PAPPA: variants seen among roughly 807,000 people sequenced by gnomAD.
PAPPA encodes the protein pappalysin 1, also known as pappalysin-1.
Under a neutral mutation model 164.0 loss-of-function variants are expected in PAPPA, and 60 were observed. The ratio of observed to expected loss-of-function variants is 0.37; its 90% CI spans 0.30 to 0.45. The LOEUF (loss-of-function observed/expected upper bound fraction) is 0.45, where lower values mean the gene tolerates loss of function less well. Among genes scored for constraint, PAPPA ranks in the 20% least tolerant of loss-of-function variants. PAPPA has a pLI of 1.00. For synonymous variants in PAPPA, 875 were observed against 814.1 expected, an observed-to-expected ratio of 1.07 and a Z score of -1.27; for missense variants, 1,782 against 2,087.3, an observed-to-expected ratio of 0.85 and a Z score of 2.85.
chr9:116,308,471 G>A (rs890462164), intron 10 of PAPPA, among the ~76,000 whole-genome samples: 13 of 152,208 alleles, frequency 8.5e-5, no homozygotes, highest in Admixed American at 1.3e-4. Flanking sequence ...AGGAATCACT[G>A]TTTTCATTTT....
intron 7 of PAPPA, among the ~76,000 whole-genome samples, chr9:116,241,209 G>A (rs79079804): frequency 6.6e-6 from 1 of 152,164 alleles, no homozygotes; most frequent in Non-Finnish European, 1.5e-5. Context: ...GCAAGTATTT[G>A]TTGACTTCCA....
rs374642967 is a variant in PAPPA at position 116,299,087 on chromosome 9, C to G, written c.2954-3670C>G. On this transcript the variant is annotated intron_variant, in intron 9 of 21. Coordinates refer to ENST00000328252, the MANE Select transcript of PAPPA (RefSeq NM_002581.5). Reference sequence around the variant, plus strand: ...AGAGGGAGAGAGAATTCCCCAGACACGGGCTGGCAGATGTAGCTGAAGGGC... The same window carrying G: ...AGAGGGAGAGAGAATTCCCCAGACAGGGGCTGGCAGATGTAGCTGAAGGGC... 3.9e-5 allele frequency among the ~76,000 whole-genome samples: 6 copies of G among 152,114 alleles called. No homozygotes were observed. The East Asian group carries it at 5.8e-4, about 15-fold the overall frequency.
At chr9:116,189,714 T>C (rs535863630) in intron 2 of PAPPA, among the ~76,000 whole-genome samples, 83 of 152,322 alleles carry the variant, frequency 5.4e-4, no homozygotes, top group African/African-American at 1.9e-3. Context: ...CACTGAACTT[T>C]TCTATTCTGT....
At chr9:116,389,457 CAA>C (rs1846861787) in intron 21 of PAPPA, among the ~76,000 whole-genome samples, 2 of 152,218 alleles carry the variant, frequency 1.3e-5, no homozygotes, top group Admixed American at 6.5e-5. Flanking sequence ...AATGAAAAAC[CAA>C]AGTTTTCCCA....
In PAPPA at chr9:116,334,948, T is replaced by A; in HGVS notation, c.3485T>A (p.Val1162Glu). 1 of 1,613,368 alleles carries A rather than the reference T, an allele frequency of 6.2e-7. No homozygotes were observed. Among genetic ancestry groups the A allele is most frequent in the Non-Finnish European group, 8.5e-7 (1 of 1,179,902 alleles). The change falls in exon 13 of 22, where the codon GTA becomes GAA. Residue 1162 changes from valine to glutamate, a missense_variant. Coordinates refer to ENST00000328252, the MANE Select transcript of PAPPA (RefSeq NM_002581.5). ...CAGCCCTTCTACCACAGCCAGGCGG[T>A]ACGTGTGAGCTTCAGTTCGCCCCTG... Reference protein sequence around the residue: ...LSQPFYHSQAVRVSFSSPLVA... With the variant: ...LSQPFYHSQAERVSFSSPLVA...
Position 116,334,850 on chromosome 9 carries a change from T to C in PAPPA, c.3398-11T>C. The C allele has an allele frequency of 6.2e-7, 1 of 1,609,914 alleles. No homozygotes were observed. Among genetic ancestry groups the C allele is most frequent in the Non-Finnish European group, 8.5e-7 (1 of 1,176,278 alleles). On this transcript the variant is annotated splice_polypyrimidine_tract_variant and intron_variant, in intron 12 of 21. Transcript: ENST00000328252. ...AGCCTGGCCCCTCGGCCCCTCTGTC[T>C]CCCCTGACAGGCCTCCATGTCCTGA... is the stretch of plus-strand genomic sequence containing the variant.
At chr9:116,296,316 T>C (rs1845505653) in intron 9 of PAPPA, among the ~76,000 whole-genome samples, 1 of 152,232 alleles carries the variant, frequency 6.6e-6, no homozygotes, top group Non-Finnish European at 1.5e-5. Context: ...AAGCACCTAG[T>C]TAGTTTAGTC....
rs552545702 is a variant in PAPPA, at chr9:116,153,840, C to CT, written c.-325dup. ...TTCAGCGGATCAGTCTTAAGAGGAG[C>CT]TTTTTTTTGGAGCGAGAAATCATAT... On this transcript the variant is annotated 5_prime_UTR_variant, in exon 1 of 22. Coordinates refer to ENST00000328252, the MANE Select transcript of PAPPA (RefSeq NM_002581.5). 3.6e-4 allele frequency: 56 copies of CT among 157,076 alleles called. No homozygotes were observed. The highest frequency in any genetic ancestry group is 5.3e-4 in the African/African-American group (22 of 41,210). The allele number at this position is 157,076 out of a possible 1,614,324, so 9.7% of individuals were successfully genotyped here.
chr9:116,262,427 C>T (rs1276180729), intron 7 of PAPPA, among the ~76,000 whole-genome samples: 1 of 152,188 alleles, frequency 6.6e-6, no homozygotes, highest in Non-Finnish European at 1.5e-5. Context: ...CTCAGGTGAT[C>T]TGCTAAAATT....
At chr9:116,296,569 AACTGTGATAAC>A (rs979557498) in intron 9 of PAPPA, among the ~76,000 whole-genome samples, 2 of 152,188 alleles carry the variant, frequency 1.3e-5, no homozygotes, top group African/African-American at 4.8e-5. Flanking sequence ...GAAATCTAGG[AACTGTGATAAC>A]ACAGGAATGA....
chr9:116,348,175 C>T (rs1216240183), intron 15 of PAPPA, among the ~76,000 whole-genome samples: 2 of 151,800 alleles, frequency 1.3e-5, no homozygotes, highest in African/African-American at 4.8e-5. Flanking sequence ...GGAAATATCT[C>T]TCTATTTCCA....
intron 17 of PAPPA, among the ~76,000 whole-genome samples, chr9:116,356,218 A>T: frequency 6.6e-6 from 1 of 152,232 alleles, no homozygotes; most frequent in East Asian, 1.9e-4. Flanking sequence ...CAGCTTTATT[A>T]CCTAGTCACT....
intron 18 of PAPPA, among the ~76,000 whole-genome samples, chr9:116,364,753 G>A (rs1181742540): frequency 1.3e-5 from 2 of 152,118 alleles, no homozygotes; most frequent in South Asian, 2.1e-4. Context: ...CAGAACAGTG[G>A]AGAAAGAGGG....
At chr9:116,161,066 A>G (rs1843659880) in intron 1 of PAPPA, among the ~76,000 whole-genome samples, 1 of 152,194 alleles carries the variant, frequency 6.6e-6, no homozygotes, top group Non-Finnish European at 1.5e-5. Flanking sequence ...AGGTCAGACC[A>G]CAGTGCACGG....
In PAPPA at chr9:116,219,949, C is replaced by A. The variant is rs554473080; in HGVS notation, c.1931C>A (p.Thr644Lys). 1 of 1,612,276 alleles carries A rather than the reference C, an allele frequency of 6.2e-7. No homozygotes were observed. Among genetic ancestry groups the A allele is most frequent in the Non-Finnish European group, 8.5e-7 (1 of 1,179,094 alleles). The change falls in exon 5 of 22, where the codon ACG becomes AAG. Residue 644 changes from threonine (T) to lysine (K), a missense_variant. Thr to Lys is a moderately conservative substitution (Grantham distance 78). This residue lies in a region of PAPPA where 1,324 missense variants were observed against 1,656.9 expected (regional missense o/e 0.80). Coordinates refer to ENST00000328252, the MANE Select transcript of PAPPA (RefSeq NM_002581.5). ...NFMSYADDDC[T>K]DSFTPNQVAR... The stretch of plus-strand genomic sequence containing the variant: ...TGCCTGCTTGCAGATGACGACTGTA[C>A]GGACTCCTTCACGCCCAATCAAGTC...
intron 4 of PAPPA, among the ~76,000 whole-genome samples, chr9:116,213,469 T>G (rs905645369): frequency 5.9e-5 from 9 of 152,058 alleles, no homozygotes; most frequent in Non-Finnish European, 1.3e-4. Context: ...CCCACTGGGC[T>G]CCCATTCCCA....
At chr9:116,370,019 A>C (rs1334881390) in intron 19 of PAPPA, among the ~76,000 whole-genome samples, 4 of 152,118 alleles carry the variant, frequency 2.6e-5, no homozygotes, top group African/African-American at 7.2e-5. Flanking sequence ...AGAGCTACAG[A>C]AATAGAGCTG....
intron 1 of PAPPA, among the ~76,000 whole-genome samples, chr9:116,166,876 T>C (rs753536754): frequency 2.0e-5 from 3 of 152,144 alleles, no homozygotes; most frequent in Non-Finnish European, 2.9e-5. Context: ...AGAATGAATA[T>C]ATGAATGACT....
chr9:116,346,478 T>A (rs1846211169), intron 14 of PAPPA, among the ~76,000 whole-genome samples: 1 of 152,156 alleles, frequency 6.6e-6, no homozygotes, highest in Non-Finnish European at 1.5e-5. Flanking sequence ...TTGCCTGTGG[T>A]CTCATAACAT....
Sources: gnomAD v4.1 joint callset for allele counts (sites outside exome capture counted in the v4.1 genomes callset) on GRCh38, gnomAD v4.1.1 for gene constraint, gnomAD v4.1.1 regional missense constraint, MANE v1.5 for transcripts, NCBI Gene and HGNC (gene_info 2026-07-23, HGNC 2026-07-21) for gene names.